RCAN2: variants seen among roughly 807,000 people sequenced by gnomAD.
RCAN2 encodes the protein regulator of calcineurin 2, also known as calcipressin-2.
Under a neutral mutation model 23.6 loss-of-function variants are expected in RCAN2, and 9 were observed. That is an observed-to-expected ratio of 0.38 (90% CI 0.23 to 0.67). RCAN2 has a LOEUF of 0.67. Ranked by LOEUF, RCAN2 falls within the 30% of genes least tolerant of loss-of-function variation. RCAN2 has a pLI of 0.51. For synonymous variants in RCAN2, 109 were observed against 115.7 expected, an observed-to-expected ratio of 0.94 and a Z score of 0.37; for missense variants, 273 against 302.3, an observed-to-expected ratio of 0.90 and a Z score of 0.72.
intron 2 of RCAN2, among the ~76,000 whole-genome samples, chr6:46,257,804 C>T (rs568202776): frequency 1.8e-4 from 27 of 152,170 alleles, no homozygotes; most frequent in Non-Finnish European, 3.8e-4. Context: ...CACTAAGTCA[C>T]ACAACTAGCC....
chr6:46,450,762 T>A (rs1767854419), intron 2 of RCAN2, among the ~76,000 whole-genome samples: 1 of 151,982 alleles, frequency 6.6e-6, no homozygotes, highest in Non-Finnish European at 1.5e-5. Context: ...GAGAGTAGAA[T>A]GGTACTTACC....
intron 1 of RCAN2, among the ~76,000 whole-genome samples, chr6:46,465,970 A>G (rs1428657943): frequency 1.3e-5 from 2 of 152,234 alleles, no homozygotes; most frequent in African/African-American, 4.8e-5. Context: ...TTGAAGATTC[A>G]TCACCTCTGA....
At chr6:46,454,093 C>G (rs1164184123) in intron 2 of RCAN2, among the ~76,000 whole-genome samples, 2 of 152,142 alleles carry the variant, frequency 1.3e-5, no homozygotes, top group Non-Finnish European at 2.9e-5. Context: ...CTTCTTTTCC[C>G]CCTGCCTAAA....
intron 2 of RCAN2, among the ~76,000 whole-genome samples, chr6:46,268,749 T>C (rs1437418319): frequency 6.6e-6 from 1 of 152,218 alleles, no homozygotes; most frequent in Non-Finnish European, 1.5e-5. Context: ...AGTGAGATCC[T>C]GGCCTTGTTT....
intron 2 of RCAN2, among the ~76,000 whole-genome samples, chr6:46,354,869 CAG>C (rs1305138343): frequency 1.3e-5 from 2 of 151,168 alleles, no homozygotes; most frequent in Non-Finnish European, 1.5e-5. Flanking sequence ...AGAAAACCTG[CAG>C]AGACTTCTCA....
intron 2 of RCAN2, among the ~76,000 whole-genome samples, chr6:46,304,072 G>C (rs1762991822): frequency 6.6e-6 from 1 of 152,148 alleles, no homozygotes; most frequent in African/African-American, 2.4e-5. Context: ...CAACACAGGA[G>C]AGTTCTAGCT....
chr6:46,377,367 T>C (rs1765504779), intron 2 of RCAN2, among the ~76,000 whole-genome samples: 1 of 152,210 alleles, frequency 6.6e-6, no homozygotes, highest in South Asian at 2.1e-4. Flanking sequence ...TGCCCCATCC[T>C]GGCAGCAGGG....
At chr6:46,393,797 T>G (rs1766004837) in intron 2 of RCAN2, among the ~76,000 whole-genome samples, 1 of 152,192 alleles carries the variant, frequency 6.6e-6, no homozygotes, top group Non-Finnish European at 1.5e-5. Flanking sequence ...CATTTTCTCC[T>G]CCACCTGAAG....
chr6:46,434,589 T>C (rs1312550664), intron 2 of RCAN2, among the ~76,000 whole-genome samples: 1 of 152,190 alleles, frequency 6.6e-6, no homozygotes, highest in Non-Finnish European at 1.5e-5. Context: ...GAATGAGATG[T>C]AGAGAATGGG....
chr6:46,248,342 A>T (rs1470808143), intron 3 of RCAN2, among the ~76,000 whole-genome samples: 1 of 152,250 alleles, frequency 6.6e-6, no homozygotes, highest in Admixed American at 6.5e-5. Flanking sequence ...GGTTAGGAAT[A>T]GCTGTGATTA....
chr6:46,481,318 T>C (rs145720268), intron 1 of RCAN2, among the ~76,000 whole-genome samples: 10 of 152,288 alleles, frequency 6.6e-5, no homozygotes, highest in South Asian at 6.2e-4. Context: ...GTGAATAAGA[T>C]ATATAGGTTA....
At chr6:46,318,978 T>C (rs1004110120) in intron 2 of RCAN2, among the ~76,000 whole-genome samples, 2 of 152,184 alleles carry the variant, frequency 1.3e-5, no homozygotes, top group Non-Finnish European at 2.9e-5. Context: ...TGCTCAAAAT[T>C]TCCAGTTGAA....
In RCAN2 at chr6:46,222,849, T is replaced by G; in HGVS notation, c.*292A>C. 1 of 329,048 alleles carries G rather than the reference T, an allele frequency of 3.0e-6. No homozygotes were observed. Among genetic ancestry groups the G allele is most frequent in the South Asian group, 3.7e-5 (1 of 26,668 alleles). The allele number at this position is 329,048 out of a possible 1,614,324, so 20.4% of individuals were successfully genotyped here. On this transcript the variant is annotated 3_prime_UTR_variant, in exon 5 of 5. Transcript: ENST00000371374. ...AGGTGCTATTTGTTACTGATGTCTC[T>G]GGCTTGGATCAACATGAGAGAACAA...
At chr6:46,481,239 G>A (rs1768852746) in intron 1 of RCAN2, among the ~76,000 whole-genome samples, 1 of 152,180 alleles carries the variant, frequency 6.6e-6, no homozygotes, top group Non-Finnish European at 1.5e-5. Flanking sequence ...ATGTCTTACT[G>A]GTTTTTATAC....
At chr6:46,486,832 G>A (rs1448539947) in intron 1 of RCAN2, among the ~76,000 whole-genome samples, 1 of 152,140 alleles carries the variant, frequency 6.6e-6, no homozygotes, top group Non-Finnish European at 1.5e-5. Flanking sequence ...AGTTTGAATT[G>A]TATTTGGAAG....
intron 2 of RCAN2, among the ~76,000 whole-genome samples, chr6:46,257,740 A>T (rs1326723439): frequency 2.0e-5 from 3 of 152,148 alleles, no homozygotes; most frequent in Admixed American, 2.0e-4. Context: ...GGGGACGAGG[A>T]GCCAAACCAT....
At chr6:46,484,023 C>T (rs575825232) in intron 1 of RCAN2, among the ~76,000 whole-genome samples, 1 of 152,186 alleles carries the variant, frequency 6.6e-6, no homozygotes, top group South Asian at 2.1e-4. Flanking sequence ...ATTATTAAAC[C>T]TCATAAGAGA....
At chr6:46,429,274 T>G (rs1231032907) in intron 2 of RCAN2, among the ~76,000 whole-genome samples, 1 of 152,200 alleles carries the variant, frequency 6.6e-6, no homozygotes, top group Non-Finnish European at 1.5e-5. Flanking sequence ...CAGGGTGTAC[T>G]CTGAACTTGC....
chr6:46,261,572 A>G (rs966776778), intron 2 of RCAN2, among the ~76,000 whole-genome samples: 2 of 152,160 alleles, frequency 1.3e-5, no homozygotes, highest in Non-Finnish European at 2.9e-5. Context: ...TGTACATCCA[A>G]ATATCCCTAT....
Sources: gnomAD v4.1 joint callset for allele counts (sites outside exome capture counted in the v4.1 genomes callset) on GRCh38, gnomAD v4.1.1 for gene constraint, MANE v1.5 for transcripts, NCBI Gene and HGNC (gene_info 2026-07-23, HGNC 2026-07-21) for gene names.